The following FGGY variants were observed in gnomAD, a reference collection of about 807,000 sequenced individuals.
The protein encoded by FGGY is FGGY carbohydrate kinase domain-containing protein.
In FGGY, 72 loss-of-function variants were observed where a neutral mutation model predicts 71.3. The ratio of observed to expected loss-of-function variants is 1.01; its 90% CI spans 0.84 to 1.23. The LOEUF (loss-of-function observed/expected upper bound fraction) is 1.23. Ranked by LOEUF, FGGY falls within the 50% of genes most tolerant of loss-of-function variation. FGGY has a pLI of 0.00. For synonymous variants in FGGY, 251 were observed against 250.3 expected, an observed-to-expected ratio of 1.00 and a Z score of -0.02; for missense variants, 668 against 682.3, an observed-to-expected ratio of 0.98 and a Z score of 0.23.
intron 5 of FGGY, among the ~76,000 whole-genome samples, chr1:59,424,802 G>A (rs547824047): frequency 3.2e-4 from 49 of 152,270 alleles, no homozygotes; most frequent in Non-Finnish European, 5.3e-4. Flanking sequence ...GCTGTTTAGG[G>A]TCAAAGGAAG....
In FGGY at chr1:59,332,424, G is replaced by A. The variant is rs182343254; in HGVS notation, c.202-7534G>A. Among the ~76,000 whole-genome samples, 5 of 152,272 alleles carry A rather than the reference G, an allele frequency of 3.3e-5. No individual in the cohort carries two copies. In the East Asian group the frequency reaches 9.6e-4, roughly 29 times the overall value. On this transcript the variant is annotated intron_variant, in intron 2 of 15. Transcript: ENST00000303721. ...TAGGTCACCAGGTCAAGCCCCAGAG[G>A]CCTTCTGGGTAGTGTGACTCTGACA...
chr1:59,418,822 T>C (rs2064934868), intron 5 of FGGY, among the ~76,000 whole-genome samples: 1 of 152,180 alleles, frequency 6.6e-6, no homozygotes, highest in African/African-American at 2.4e-5. Flanking sequence ...AACTTTGTCC[T>C]TATAGTGAAA....
intron 9 of FGGY, among the ~76,000 whole-genome samples, chr1:59,613,099 C>G (rs368940912): frequency 6.6e-6 from 1 of 152,052 alleles, no homozygotes; most frequent in Non-Finnish European, 1.5e-5. Context: ...CGAGACAGAA[C>G]GTTAACAAGG....
chr1:59,543,281 C>T (rs2095472604), intron 7 of FGGY, among the ~76,000 whole-genome samples: 1 of 152,158 alleles, frequency 6.6e-6, no homozygotes, highest in South Asian at 2.1e-4. Flanking sequence ...TCTCTGAGCC[C>T]TCTGGCCTGA....
chr1:59,653,643 C>T (rs542004504), intron 11 of FGGY, among the ~76,000 whole-genome samples: 16 of 152,326 alleles, frequency 1.1e-4, no homozygotes, highest in African/African-American at 3.8e-4. Flanking sequence ...CTGGCCTGCG[C>T]CCACTGTCTG....
At chr1:59,716,717 G>A (rs1161369743) in intron 14 of FGGY, among the ~76,000 whole-genome samples, 1 of 152,228 alleles carries the variant, frequency 6.6e-6, no homozygotes. Context: ...GGGAACAAGA[G>A]AGCGGACAGG....
rs1319785005 is a variant in FGGY, at chr1:59,346,361, T to A, written c.428T>A (p.Val143Glu). The A allele has an allele frequency of 6.2e-7, 1 of 1,611,574 alleles. No homozygotes were observed. Among genetic ancestry groups the A allele is most frequent in the Admixed American group, 1.7e-5 (1 of 59,942 alleles). The part of the protein sequence containing the change: ...VLQYVGGVMS[V>E]EMQAPKLLWL... The stretch of plus-strand genomic sequence containing the variant: ...CAGTACGTCGGGGGGGTGATGTCTG[T>A]GGAAATGCAGGCCCCGAAACTTCTG... Residue 143 changes from valine to glutamate, a missense_variant, in exon 4 of 16, where the codon GTG becomes GAG. Physicochemically the swap from Val to Glu is moderately radical, Grantham distance 121 (BLOSUM62 -2). Coordinates refer to ENST00000303721, the MANE Select transcript of FGGY (RefSeq NM_018291.5).
intron 10 of FGGY, chr1:59,626,656 A>G (rs963472484): frequency 2.0e-5 from 3 of 152,256 alleles, no homozygotes; most frequent in African/African-American, 7.2e-5. Context: ...AGAGATCGAG[A>G]CCAGCCTGGC....
chr1:59,477,818 AG>A (rs1558063713), intron 6 of FGGY, among the ~76,000 whole-genome samples: 1 of 152,212 alleles, frequency 6.6e-6, no homozygotes, highest in South Asian at 2.1e-4. Flanking sequence ...TTAAATTGAA[AG>A]CACAGAAACT....
intron 8 of FGGY, among the ~76,000 whole-genome samples, chr1:59,574,131 G>A (rs1022796421): frequency 2.0e-4 from 31 of 152,120 alleles, no homozygotes; most frequent in Non-Finnish European, 4.1e-4. Context: ...TATGGTTCTC[G>A]AGACTAGAAG....
At chr1:59,605,315 T>G (rs1397140153) in intron 8 of FGGY, among the ~76,000 whole-genome samples, 1 of 152,196 alleles carries the variant, frequency 6.6e-6, no homozygotes, top group Non-Finnish European at 1.5e-5. Context: ...CTGAGGGGTT[T>G]TCCAGAAGGC....
intron 1 of FGGY, 82 bp from the exon 2 acceptor site, chr1:59,321,454 T>A: frequency 7.6e-7 from 1 of 1,310,628 alleles, no homozygotes; most frequent in South Asian, 1.3e-5. Flanking sequence ...GTACCTCTTT[T>A]ATTTCTACTT....
Position 59,340,005 on chromosome 1 carries a change from T to A in FGGY, c.249T>A (p.Phe83Leu). The change falls in exon 3 of 16, where the codon TTT becomes TTA. Residue 83 changes from phenylalanine to leucine, a missense_variant. Coordinates refer to ENST00000303721, the MANE Select transcript of FGGY (RefSeq NM_018291.5). ...TAAACCAAATTCGAGGACTTGGGTT[T>A]GATGCCACGTGTTCTCTGGTTGTTT... The part of the protein sequence containing the change: ...IDLNQIRGLG[F>L]DATCSLVVLD... 1 of 1,613,512 alleles carries A rather than the reference T, an allele frequency of 6.2e-7. No homozygotes were observed.
At chr1:59,303,632 A>C (rs767472619) in intron 1 of FGGY, among the ~76,000 whole-genome samples, 7 of 152,168 alleles carry the variant, frequency 4.6e-5, no homozygotes, top group Admixed American at 2.6e-4. Context: ...TAAGATTACT[A>C]TATCATATGG....
intron 14 of FGGY, among the ~76,000 whole-genome samples, chr1:59,687,146 G>C (rs2097549783): frequency 6.6e-6 from 1 of 152,202 alleles, no homozygotes; most frequent in South Asian, 2.1e-4. Flanking sequence ...CTCTGAGCAG[G>C]CTTGGCCATT....
At chr1:59,671,364 T>C (rs2097375513) in intron 13 of FGGY, among the ~76,000 whole-genome samples, 1 of 152,140 alleles carries the variant, frequency 6.6e-6, no homozygotes, top group South Asian at 2.1e-4. Flanking sequence ...ATACTAACAG[T>C]GTTTCCACCC....
intron 4 of FGGY, among the ~76,000 whole-genome samples, chr1:59,358,619 CTT>C (rs1479989027): frequency 6.6e-6 from 1 of 152,110 alleles, no homozygotes; most frequent in Non-Finnish European, 1.5e-5. Context: ...TGCTTTATGA[CTT>C]ATGTTGTTTC....
At chr1:59,660,111 A>C (rs2097260453) in intron 11 of FGGY, 108 bp from the exon 12 acceptor site, 2 of 952,092 alleles carry the variant, frequency 2.1e-6, no homozygotes, top group Admixed American at 2.0e-5. Flanking sequence ...TTTGCATATG[A>C]ACTTGTTTCG....
intron 6 of FGGY, among the ~76,000 whole-genome samples, chr1:59,507,578 G>T (rs535849334): frequency 6.6e-6 from 1 of 151,364 alleles, no homozygotes; most frequent in African/African-American, 2.4e-5. Context: ...GTGCAGTGGC[G>T]CAATCTCGGC....
Sources: gnomAD v4.1 joint callset for allele counts (sites outside exome capture counted in the v4.1 genomes callset) on GRCh38, gnomAD v4.1.1 for gene constraint, MANE v1.5 for transcripts, NCBI Gene and HGNC (gene_info 2026-07-23, HGNC 2026-07-21) for gene names.